Variants in PPP4R4 observed in about 807,000 individuals in gnomAD.
The protein encoded by PPP4R4 is serine/threonine-protein phosphatase 4 regulatory subunit 4.
A neutral mutation model predicts 121.8 loss-of-function variants in PPP4R4; 70 were observed. The ratio of observed to expected loss-of-function variants is 0.57; its 90% CI spans 0.47 to 0.70. The LOEUF (loss-of-function observed/expected upper bound fraction) is 0.70. Among genes scored for constraint, PPP4R4 ranks in the 30% least tolerant of loss-of-function variants. The pLI is 0.00. For missense variants in PPP4R4, 875 were observed against 1,033.6 expected (o/e 0.85, Z 2.10); for synonymous variants, 348 against 355.7 (o/e 0.98, Z 0.24).
At chr14:94,199,647 G>A (rs1890063674) in intron 2 of PPP4R4, among the ~76,000 whole-genome samples, 1 of 152,184 alleles carries the variant, frequency 6.6e-6, no homozygotes, top group Non-Finnish European at 1.5e-5. Flanking sequence ...GGAGCCAGAA[G>A]AGAGACAGAG....
At chr14:94,245,509 T>A in intron 12 of PPP4R4, 78 bp from the exon 13 acceptor site, 1 of 709,498 alleles carries the variant, frequency 1.4e-6, no homozygotes, top group Non-Finnish European at 2.2e-6. Flanking sequence ...ACTACTACTA[T>A]ATAGAAATTG....
In PPP4R4 at chr14:94,201,783, C is replaced by G. The variant is rs1163124009; in HGVS notation, c.192-6681C>G. On this transcript the variant is annotated intron_variant, in intron 2 of 24. Coordinates refer to ENST00000304338, the MANE Select transcript of PPP4R4 (RefSeq NM_058237.2). The stretch of plus-strand genomic sequence containing the variant: ...TCTTATCCATTCTGTGATTCTGTAC[C>G]TACTAGGTGTCTACCCAGAGGAAAA... Among the ~76,000 whole-genome samples, 5 of 152,068 alleles carry G rather than the reference C, an allele frequency of 3.3e-5. No homozygotes were observed. The East Asian group carries it at 9.7e-4, about 29-fold the overall frequency.
chr14:94,203,337 T>A (rs576064758), intron 2 of PPP4R4, among the ~76,000 whole-genome samples: 1 of 152,354 alleles, frequency 6.6e-6, no homozygotes, highest in South Asian at 2.1e-4. Flanking sequence ...TAGCATAATT[T>A]CTGGAGATTC....
intron 15 of PPP4R4, among the ~76,000 whole-genome samples, chr14:94,251,306 A>G (rs906877640): frequency 4.6e-5 from 7 of 152,048 alleles, no homozygotes; most frequent in Non-Finnish European, 7.4e-5. Flanking sequence ...TAGAAGTTAT[A>G]CAGAGCTGTG....
intron 19 of PPP4R4, among the ~76,000 whole-genome samples, chr14:94,263,332 G>T (rs1893877680): frequency 1.3e-5 from 2 of 152,098 alleles, no homozygotes; most frequent in Non-Finnish European, 2.9e-5. Flanking sequence ...GTGCTACTCA[G>T]TGTGAATAAT....
intron 2 of PPP4R4, among the ~76,000 whole-genome samples, chr14:94,184,301 C>T (rs776004884): frequency 6.6e-5 from 10 of 152,218 alleles, no homozygotes; most frequent in Non-Finnish European, 1.3e-4. Flanking sequence ...GCTCTGTTCC[C>T]AGGCTGGAGT....
chr14:94,244,580 A>G (rs1234968685), intron 11 of PPP4R4, 55 bp from the exon 12 acceptor site: 2 of 1,313,012 alleles, frequency 1.5e-6, no homozygotes, highest in Non-Finnish European at 1.0e-6. Flanking sequence ...TTATTATTGT[A>G]ACCTGTATCT....
chr14:94,233,465 A>G (rs1367998661), intron 5 of PPP4R4, among the ~76,000 whole-genome samples, 188 bp from the exon 6 acceptor site: 1 of 152,196 alleles, frequency 6.6e-6, no homozygotes, highest in African/African-American at 2.4e-5. Context: ...CATAATTTGT[A>G]ATTATCTTTA....
chr14:94,195,603 G>A (rs373955733), intron 2 of PPP4R4, among the ~76,000 whole-genome samples: 1 of 152,042 alleles, frequency 6.6e-6, no homozygotes. Context: ...GCTGTCTTGT[G>A]CATTGTAGGA....
chr14:94,176,015 A>G (rs752218103), intron 1 of PPP4R4, 39 bp from the exon 2 acceptor site: 3 of 1,529,682 alleles, frequency 2.0e-6, no homozygotes, highest in East Asian at 2.2e-5. Context: ...GACTGAACCA[A>G]TATTTGTGGT....
intron 14 of PPP4R4, 25 bp downstream of exon 14, chr14:94,246,564 T>G (rs774772155): frequency 1.3e-6 from 2 of 1,582,080 alleles, no homozygotes; most frequent in Non-Finnish European, 8.6e-7. Flanking sequence ...TTTCATCTTA[T>G]TCTTTTGAAC....
intron 19 of PPP4R4, among the ~76,000 whole-genome samples, chr14:94,264,204 AG>A (rs1893922134): frequency 6.6e-6 from 1 of 152,316 alleles, no homozygotes; most frequent in South Asian, 2.1e-4. Flanking sequence ...GCTGGAGTGC[AG>A]TGGCATGGTC....
intron 3 of PPP4R4, among the ~76,000 whole-genome samples, chr14:94,222,628 T>G: frequency 6.6e-6 from 1 of 151,862 alleles, no homozygotes; most frequent in East Asian, 1.9e-4. Flanking sequence ...ACAAGTCTGC[T>G]GGTAACAAAT....
At chr14:94,201,490 G>T (rs138047639) in intron 2 of PPP4R4, among the ~76,000 whole-genome samples, 3,770 of 152,052 alleles carry the variant, frequency 0.025, 147 homozygotes, top group African/African-American at 0.085. Context: ...TATAAATTTG[G>T]GAGCTCCAGT....
At chr14:94,263,111 A>T (rs1363422945) in intron 19 of PPP4R4, among the ~76,000 whole-genome samples, 2 of 152,192 alleles carry the variant, frequency 1.3e-5, no homozygotes, top group African/African-American at 4.8e-5. Flanking sequence ...CTTGAAATTT[A>T]TCCAGTTTGG....
intron 3 of PPP4R4, chr14:94,227,696 C>A: frequency 9.7e-7 from 1 of 1,025,830 alleles, no homozygotes; most frequent in Non-Finnish European, 1.2e-6. Context: ...AAACCCAGGA[C>A]TTTAATGACT....
chr14:94,264,340 T>G (rs1893928712), intron 19 of PPP4R4, among the ~76,000 whole-genome samples: 1 of 151,918 alleles, frequency 6.6e-6, no homozygotes, highest in Non-Finnish European at 1.5e-5. Flanking sequence ...TTAGTAGAGA[T>G]GGGGTTTCAT....
At chr14:94,264,072 A>C (rs1477058158) in intron 19 of PPP4R4, among the ~76,000 whole-genome samples, 1 of 152,204 alleles carries the variant, frequency 6.6e-6, no homozygotes, top group Non-Finnish European at 1.5e-5. Context: ...AGCTGGTTAT[A>C]CAAGTGCGTC....
chr14:94,232,901 AC>A (rs565659670), intron 5 of PPP4R4, among the ~76,000 whole-genome samples: 519 of 152,218 alleles, frequency 3.4e-3, no homozygotes, highest in Non-Finnish European at 5.6e-3. Context: ...TACTAAAAAT[AC>A]AAAAAATTAG....
Sources: allele counts gnomAD v4.1 joint callset (sites outside exome capture counted in the v4.1 genomes callset), GRCh38; gene constraint gnomAD v4.1.1; transcripts MANE v1.5; gene names NCBI Gene and HGNC (gene_info 2026-07-23, HGNC 2026-07-21).